IQCH: variants seen among roughly 807,000 people sequenced by gnomAD.
The protein encoded by IQCH is IQ domain-containing protein H.
Under a neutral mutation model 117.0 loss-of-function variants are expected in IQCH, and 98 were observed. The observed-to-expected ratio is 0.84, with a 90% CI of 0.71 to 0.99. The LOEUF (loss-of-function observed/expected upper bound fraction) is 0.99, where lower values mean the gene tolerates loss of function less well. IQCH is among the 50% of genes least tolerant of loss of function. IQCH has a pLI of 0.00. For missense variants in IQCH, 1,102 were observed against 1,243.8 expected (o/e 0.89, Z 1.72); for synonymous variants, 412 against 448.2 (o/e 0.92, Z 1.02).
In IQCH at chr15:67,475,664, T is replaced by G; in HGVS notation, c.2677-32T>G. Reference sequence around the variant, plus strand: ...CCAAAATTACAAGTTTATTTAAATATCTGTTTAATATTCAGTTGTGCTCCT... The same window carrying G: ...CCAAAATTACAAGTTTATTTAAATAGCTGTTTAATATTCAGTTGTGCTCCT... On this transcript the variant is annotated intron_variant, in intron 17 of 20. Coordinates refer to ENST00000335894, the MANE Select transcript of IQCH (RefSeq NM_001031715.3). This position sits in a 1 kb window ranked among gnomAD's most constrained non-coding sequence, Gnocchi z 5.7. 6.3e-7 allele frequency: 1 copy of G among 1,592,646 alleles called. No homozygotes were observed.
In IQCH at chr15:67,501,233, ATTATAT is replaced by A. The variant is rs2083971737; in HGVS notation, c.*494_*499del. 2 of 152,344 alleles carry A rather than the reference ATTATAT, an allele frequency of 1.3e-5. No individual in the cohort carries two copies. Among genetic ancestry groups the A allele is most frequent in the East Asian group, 3.9e-4 (2 of 5,192 alleles). 9.4% of individuals were successfully genotyped at this position (152,344 alleles called of 1,614,324 possible). The stretch of plus-strand genomic sequence containing the variant: ...TTTCAAAGCTTCAAATTATATTGAA[ATTATAT>A]TTATATGAATTTTTAAGTGACTATC... On this transcript the variant is annotated 3_prime_UTR_variant, in exon 21 of 21. Transcript: ENST00000335894. The surrounding 1 kb of genome is among the most constrained non-coding windows in gnomAD (Gnocchi z 5.2).
intron 6 of IQCH, among the ~76,000 whole-genome samples, chr15:67,349,620 A>AT (rs1969563362): frequency 6.6e-6 from 1 of 151,506 alleles, no homozygotes; most frequent in Admixed American, 6.6e-5. Flanking sequence ...AAAAAAAAAA[A>AT]AAGGAAAGAA....
At chr15:67,267,868 TG>T (rs1965740841) in intron 3 of IQCH, among the ~76,000 whole-genome samples, 1 of 152,208 alleles carries the variant, frequency 6.6e-6, no homozygotes, top group Non-Finnish European at 1.5e-5. Context: ...AGAACAGATA[TG>T]CAATAATGAT....
rs1372058285 is a variant in IQCH at position 67,417,183 on chromosome 15, C to T, written c.2218+132C>T. ...TTTAGAAAAGTGCTCCTACGGTTTTCTTTTTCAAATGTTGCCTAAATATTT... is the reference window on the plus strand; with the variant it reads ...TTTAGAAAAGTGCTCCTACGGTTTTTTTTTTCAAATGTTGCCTAAATATTT... On this transcript the variant is annotated intron_variant, in intron 15 of 20. Coordinates refer to ENST00000335894, the MANE Select transcript of IQCH (RefSeq NM_001031715.3). The surrounding 1 kb of genome is among the most constrained non-coding windows in gnomAD (Gnocchi z 4.3). 1.5e-6 allele frequency: 1 copy of T among 670,218 alleles called. No individual in the cohort carries two copies. The highest frequency in any genetic ancestry group is 3.9e-5 in the Admixed American group (1 of 25,684). 41.5% of individuals were successfully genotyped at this position (670,218 alleles called of 1,614,324 possible).
At chr15:67,343,236 A>T (rs980236845) in intron 5 of IQCH, among the ~76,000 whole-genome samples, 1 of 152,214 alleles carries the variant, frequency 6.6e-6, no homozygotes, top group Non-Finnish European at 1.5e-5. Context: ...GTTGAGACCC[A>T]GAGCTCTTTA....
rs144081882 is a variant in IQCH at position 67,490,943 on chromosome 15, AC to A, written c.2861+881del. 7.9e-4 allele frequency among the ~76,000 whole-genome samples: 120 copies of A among 152,294 alleles called. No individual in the cohort carries two copies. Among genetic ancestry groups the A allele is most frequent in the African/African-American group, 2.9e-3 (119 of 41,548 alleles). On this transcript the variant is annotated intron_variant, in intron 19 of 20. Transcript: ENST00000335894. The surrounding 1 kb of genome is among the most constrained non-coding windows in gnomAD (Gnocchi z 4.9). ...TAGGACTCAGAATTTTAGAGCTACA[AC>A]CTTGAGTCATCTCTTATTTCATATC... is the stretch of plus-strand genomic sequence containing the variant.
Position 67,500,727 on chromosome 15 carries a change from T to C in IQCH, c.3065T>C (p.Leu1022Pro), listed in dbSNP as rs1456243835. 3.2e-6 allele frequency: 5 copies of C among 1,581,974 alleles called. No individual in the cohort carries two copies. The East Asian group carries it at 6.8e-5, about 21-fold the overall frequency. ...CAACAGTCCAAAGATGATAAAAACCTCTCTAAACCCAAGAAATGATCCTGG... is the reference window on the plus strand; with the variant it reads ...CAACAGTCCAAAGATGATAAAAACCCCTCTAAACCCAAGAAATGATCCTGG... The part of the protein sequence containing the change: ...EEQQSKDDKN[L>P]SKPKK The change falls in exon 21 of 21, where the codon CTC becomes CCC. Residue 1022 changes from leucine to proline, a missense_variant. Transcript: ENST00000335894. The surrounding 1 kb of genome is among the most constrained non-coding windows in gnomAD (Gnocchi z 4.4).
rs1970466775 is a variant in IQCH at position 67,369,934 on chromosome 15, CTGTT to C, written c.754-2174_754-2171del. Among the ~76,000 whole-genome samples the C allele has an allele frequency of 6.6e-6, 1 of 152,192 alleles. No homozygotes were observed. Among genetic ancestry groups the C allele is most frequent in the East Asian group, 1.9e-4 (1 of 5,204 alleles). ...GATAGCTTCCCAGTGCCTGAGTGGT[CTGTT>C]TGATGTCCAGGAGTATGTTTCCTTT... On this transcript the variant is annotated intron_variant, in intron 8 of 20. Transcript: ENST00000335894. This position sits in a 1 kb window ranked among gnomAD's most constrained non-coding sequence, Gnocchi z 5.2.
At chr15:67,362,164 C>T (rs1437185776) in intron 8 of IQCH, among the ~76,000 whole-genome samples, 3 of 151,640 alleles carry the variant, frequency 2.0e-5, no homozygotes, top group African/African-American at 7.3e-5. Flanking sequence ...CACACACACA[C>T]ACACACATAC....
At position 67,476,598 on chromosome 15, in the gene IQCH, A is replaced by G. The variant is rs922172566; in HGVS notation, c.2799+780A>G. Among the ~76,000 whole-genome samples the G allele has an allele frequency of 6.6e-6, 1 of 152,212 alleles. No individual in the cohort carries two copies. Among genetic ancestry groups the G allele is most frequent in the African/African-American group, 2.4e-5 (1 of 41,448 alleles). ...TTTCTCTACTTTTGGTCTATTTCCAATGATACCGGGGGCCCCTGCATAGCT... is the reference window on the plus strand; with the variant it reads ...TTTCTCTACTTTTGGTCTATTTCCAGTGATACCGGGGGCCCCTGCATAGCT... On this transcript the variant is annotated intron_variant, in intron 18 of 20. Transcript: ENST00000335894. This position sits in a 1 kb window ranked among gnomAD's most constrained non-coding sequence, Gnocchi z 4.1.
At chr15:67,301,413 T>TG (rs772779031) in intron 4 of IQCH, among the ~76,000 whole-genome samples, 1 of 121,828 alleles carries the variant, frequency 8.2e-6, no homozygotes, top group Admixed American at 8.4e-5. Context: ...TTTTTTTTTT[T>TG]TTTTTTTTTT....
Position 67,485,949 on chromosome 15 carries a change from G to A in IQCH, c.2800-4054G>A, listed in dbSNP as rs113633532. On this transcript the variant is annotated intron_variant, in intron 18 of 20. Coordinates refer to ENST00000335894, the MANE Select transcript of IQCH (RefSeq NM_001031715.3). ...TGGGATTACAGGCATGAGCCACTGC[G>A]CCCGACCAAGAAACAGAAAATCTTA... Among the ~76,000 whole-genome samples, 489 of 142,242 alleles carry A rather than the reference G, an allele frequency of 3.4e-3. 4 individuals carry two copies. Among genetic ancestry groups the A allele is most frequent in the African/African-American group, 0.012 (473 of 38,470 alleles). 93.3% of individuals were successfully genotyped at this position (142,242 alleles called of 152,430 possible). A position where few individuals can be genotyped will look rare whatever the true frequency, so the allele number is the denominator to read the frequency against.
rs143950607 is a variant in IQCH, at chr15:67,425,504, C to T, written c.2505+3927C>T. On this transcript the variant is annotated intron_variant, in intron 16 of 20. Transcript: ENST00000335894. The surrounding 1 kb of genome is among the most constrained non-coding windows in gnomAD (Gnocchi z 5.5). ...GCATGTGCCTGTAGTCCCAGCTGCC[C>T]GGGAGGCTAAGGCAGGAGAATCACT... is the stretch of plus-strand genomic sequence containing the variant. Among the ~76,000 whole-genome samples the T allele has an allele frequency of 0.014, 2,130 of 152,132 alleles. 59 individuals carry two copies. The highest frequency in any genetic ancestry group is 0.049 in the African/African-American group (2,042 of 41,488).
intron 5 of IQCH, among the ~76,000 whole-genome samples, chr15:67,340,698 G>A (rs1969130904): frequency 6.6e-6 from 1 of 151,998 alleles, no homozygotes; most frequent in Non-Finnish European, 1.5e-5. Flanking sequence ...TTATTTTCTG[G>A]TAATTTTATG....
chr15:67,362,812 A>G (rs956187295), intron 8 of IQCH, among the ~76,000 whole-genome samples: 10 of 152,352 alleles, frequency 6.6e-5, no homozygotes, highest in African/African-American at 2.2e-4. Flanking sequence ...ACTATATGGT[A>G]TTTGAACAAA....
intron 7 of IQCH, among the ~76,000 whole-genome samples, chr15:67,358,188 T>C: frequency 9.8e-6 from 1 of 102,262 alleles, no homozygotes; most frequent in Admixed American, 1.1e-4. Flanking sequence ...TTTTTAACCA[T>C]CATGAGGCAC....
Position 67,457,249 on chromosome 15 carries a change from T to C in IQCH, c.2506-7878T>C, listed in dbSNP as rs994491709. Among the ~76,000 whole-genome samples the C allele has an allele frequency of 1.3e-5, 2 of 152,222 alleles. No homozygotes were observed. The highest frequency in any genetic ancestry group is 6.5e-5 in the Admixed American group (1 of 15,284). On this transcript the variant is annotated intron_variant, in intron 16 of 20. Coordinates refer to ENST00000335894, the MANE Select transcript of IQCH (RefSeq NM_001031715.3). The surrounding 1 kb of genome is among the most constrained non-coding windows in gnomAD (Gnocchi z 5.7). ...CATAATCACATTAGTATTTTACTAA[T>C]TGAAAATTCTTACAGTGGGGTGTAC... is the stretch of plus-strand genomic sequence containing the variant.
rs1018930913 is a variant in IQCH, at chr15:67,467,126, G to C, written c.2676+1829G>C. The C allele has an allele frequency of 6.6e-6, 1 of 152,478 alleles. No homozygotes were observed. 9.4% of individuals were successfully genotyped at this position (152,478 alleles called of 1,614,324 possible). A position where few individuals can be genotyped will look rare whatever the true frequency, so the allele number is the denominator to read the frequency against. On this transcript the variant is annotated intron_variant, in intron 17 of 20. Transcript: ENST00000335894. The surrounding 1 kb of genome is among the most constrained non-coding windows in gnomAD (Gnocchi z 5.7). Reference sequence around the variant, plus strand: ...TAATCCTAGCTACTGGGAAGGCTGAGGCAGGAGGATCACTTGAGCCCTGGA... The same window carrying C: ...TAATCCTAGCTACTGGGAAGGCTGACGCAGGAGGATCACTTGAGCCCTGGA...
At position 67,489,998 on chromosome 15, in the gene IQCH, T is replaced by C; in HGVS notation, c.2800-5T>C. The C allele has an allele frequency of 6.3e-7, 1 of 1,598,922 alleles. No homozygotes were observed. Among genetic ancestry groups the C allele is most frequent in the African/African-American group, 1.3e-5 (1 of 74,656 alleles). On this transcript the variant is annotated splice_region_variant and splice_polypyrimidine_tract_variant and intron_variant, in intron 18 of 20. Transcript: ENST00000335894. ...ATTTCTTTTCTCCCCATTCAAATTT[T>C]ACAGGAAAGGCAAGGAACTGTTTTT...
Sources: gnomAD v4.1 joint callset for allele counts (sites outside exome capture counted in the v4.1 genomes callset) on GRCh38, gnomAD v4.1.1 for gene constraint, Gnocchi (gnomAD v3.1) non-coding constraint, MANE v1.5 for transcripts, NCBI Gene and HGNC (gene_info 2026-07-23, HGNC 2026-07-21) for gene names.